The following ADAMTSL1 variants were observed in gnomAD, a reference collection of about 807,000 sequenced individuals.
The protein encoded by ADAMTSL1 is ADAMTS like 1.
In ADAMTSL1, 126 loss-of-function variants were observed where a neutral mutation model predicts 201.8. That is an observed-to-expected ratio of 0.62 (90% CI 0.54 to 0.72). The LOEUF is 0.72. ADAMTSL1 is among the 30% of genes least tolerant of loss of function. The probability of loss-of-function intolerance (pLI) is 0.00; values close to 1 mark genes in which losing one functional copy is unlikely to be tolerated. For synonymous variants in ADAMTSL1, 1,121 were observed against 903.4 expected, an observed-to-expected ratio of 1.24 and a Z score of -4.32; for missense variants, 2,679 against 2,277.8, an observed-to-expected ratio of 1.18 and a Z score of -3.59.
At chr9:18,680,780 C>G (rs538196447) in intron 11 of ADAMTSL1, 1 of 459,008 alleles carries the variant, frequency 2.2e-6, no homozygotes, top group South Asian at 2.5e-5. Context: ...CACGGGGAAG[C>G]AACTGCCTTT....
At chr9:18,238,159 G>C (rs7038948) in intron 2 of ADAMTSL1, among the ~76,000 whole-genome samples, 1 of 152,160 alleles carries the variant, frequency 6.6e-6, no homozygotes, top group South Asian at 2.1e-4. Flanking sequence ...AACTGCCATT[G>C]TGTTTTTTTA....
At chr9:18,712,099 A>C (rs1308865334) in intron 14 of ADAMTSL1, among the ~76,000 whole-genome samples, 3 of 151,210 alleles carry the variant, frequency 2.0e-5, no homozygotes, top group African/African-American at 7.3e-5. Flanking sequence ...CCATCTGTAC[A>C]TCACCATCAT....
chr9:18,066,773 G>A (rs1822720236), intron 1 of ADAMTSL1, among the ~76,000 whole-genome samples: 1 of 152,182 alleles, frequency 6.6e-6, no homozygotes, highest in Non-Finnish European at 1.5e-5. Flanking sequence ...TTAAGAAAAT[G>A]TGGCACATAT....
chr9:18,505,085 G>T, intron 2 of ADAMTSL1, 129 bp downstream of exon 2: 1 of 1,202,732 alleles, frequency 8.3e-7, no homozygotes, highest in South Asian at 1.6e-5. Context: ...AGAATTAAAG[G>T]AACGTACAAA....
chr9:18,355,672 A>G (rs1047221520), intron 2 of ADAMTSL1, among the ~76,000 whole-genome samples: 3 of 152,212 alleles, frequency 2.0e-5, no homozygotes, highest in Non-Finnish European at 4.4e-5. Context: ...AACTTTCCCT[A>G]AATACACCAA....
intron 1 of ADAMTSL1, among the ~76,000 whole-genome samples, chr9:17,928,847 A>T (rs559711950): frequency 6.6e-6 from 1 of 152,360 alleles, no homozygotes; most frequent in East Asian, 1.9e-4. Flanking sequence ...AACTAATTGC[A>T]CACATGGCAT....
chr9:18,781,485 A>C (rs569624838), intron 19 of ADAMTSL1, among the ~76,000 whole-genome samples: 1 of 152,112 alleles, frequency 6.6e-6, no homozygotes, highest in African/African-American at 2.4e-5. Context: ...AGTTTTCTCT[A>C]TCTTTCAAGT....
chr9:18,409,308 G>C (rs1818331125), intron 2 of ADAMTSL1, among the ~76,000 whole-genome samples: 1 of 149,352 alleles, frequency 6.7e-6, no homozygotes, highest in African/African-American at 2.5e-5. Flanking sequence ...GCTTGAACCT[G>C]GGAGGCAGAG....
intron 2 of ADAMTSL1, among the ~76,000 whole-genome samples, chr9:18,239,928 C>G (rs919795515): frequency 6.6e-6 from 1 of 152,168 alleles, no homozygotes; most frequent in Non-Finnish European, 1.5e-5. Context: ...TTCTAGTTCT[C>G]TTACTATTTT....
At chr9:18,085,427 T>G (rs1235339687) in intron 1 of ADAMTSL1, among the ~76,000 whole-genome samples, 1 of 150,502 alleles carries the variant, frequency 6.6e-6, no homozygotes, top group Non-Finnish European at 1.5e-5. Flanking sequence ...TGATACATAC[T>G]AATTATATAG....
chr9:18,703,849 C>G (rs991840631), intron 13 of ADAMTSL1, among the ~76,000 whole-genome samples: 1 of 151,084 alleles, frequency 6.6e-6, no homozygotes, highest in Non-Finnish European at 1.5e-5. Context: ...CTTCTTGGTT[C>G]TGGAATGACA....
intron 26 of ADAMTSL1, among the ~76,000 whole-genome samples, chr9:18,896,363 C>G (rs1829637355): frequency 6.6e-6 from 1 of 152,252 alleles, no homozygotes; most frequent in East Asian, 1.9e-4. Context: ...ACTTTATAAA[C>G]TGATTTCTCA....
intron 13 of ADAMTSL1, among the ~76,000 whole-genome samples, chr9:18,694,881 C>T (rs963572158): frequency 1.3e-5 from 2 of 152,264 alleles, no homozygotes; most frequent in African/African-American, 2.4e-5. Flanking sequence ...CTGCAACAGA[C>T]TTCTGCCTTG....
intron 25 of ADAMTSL1, among the ~76,000 whole-genome samples, chr9:18,890,996 T>C (rs1829227384): frequency 6.6e-6 from 1 of 152,322 alleles, no homozygotes; most frequent in South Asian, 2.1e-4. Context: ...TAAACACCTC[T>C]TGCCTGCTTC....
chr9:18,540,617 G>T (rs151080528), intron 3 of ADAMTSL1, among the ~76,000 whole-genome samples: 1 of 152,280 alleles, frequency 6.6e-6, no homozygotes, highest in Non-Finnish European at 1.5e-5. Flanking sequence ...AGCCCCACAT[G>T]TTATTTCATA....
At chr9:18,446,725 G>A (rs764374068) in intron 2 of ADAMTSL1, among the ~76,000 whole-genome samples, 2 of 152,156 alleles carry the variant, frequency 1.3e-5, no homozygotes, top group Admixed American at 6.5e-5. Flanking sequence ...GTGCAAACAC[G>A]TTTTTCTCAA....
At chr9:18,324,612 A>G (rs1205979509) in intron 2 of ADAMTSL1, among the ~76,000 whole-genome samples, 3 of 152,034 alleles carry the variant, frequency 2.0e-5, no homozygotes, top group Non-Finnish European at 4.4e-5. Flanking sequence ...TAAAAATACA[A>G]AATTAGCCTG....
At chr9:18,122,560 G>A (rs753699049) in intron 1 of ADAMTSL1, among the ~76,000 whole-genome samples, 4 of 152,130 alleles carry the variant, frequency 2.6e-5, no homozygotes, top group Non-Finnish European at 5.9e-5. Flanking sequence ...TTTATGCTAA[G>A]CATAAATGGC....
chr9:18,641,419 T>C (rs1827428101), intron 7 of ADAMTSL1, among the ~76,000 whole-genome samples: 2 of 152,068 alleles, frequency 1.3e-5, no homozygotes, highest in South Asian at 4.1e-4. Flanking sequence ...ACATCTCTAT[T>C]ATACCCACAA....
Sources: allele counts gnomAD v4.1 joint callset (sites outside exome capture counted in the v4.1 genomes callset), GRCh38; gene constraint gnomAD v4.1.1; transcripts MANE v1.5; gene names NCBI Gene and HGNC (gene_info 2026-07-23, HGNC 2026-07-21).